BPIFC: variants seen among roughly 807,000 people sequenced by gnomAD.
The protein encoded by BPIFC is BPI fold containing family C, also known as BPI fold-containing family C protein.
In BPIFC, 60 loss-of-function variants were observed where a neutral mutation model predicts 57.6. That is an observed-to-expected ratio of 1.04 (90% confidence interval 0.85 to 1.29). The LOEUF (loss-of-function observed/expected upper bound fraction) is 1.29. Among genes scored for constraint, BPIFC ranks in the 50% most tolerant of loss-of-function variants. The probability of loss-of-function intolerance (pLI) is 0.00; values close to 1 mark genes in which losing one functional copy is unlikely to be tolerated. For missense variants in BPIFC, 581 were observed against 600.5 expected, an observed-to-expected ratio of 0.97 and a Z score of 0.34; for synonymous variants, 243 against 224.5, an observed-to-expected ratio of 1.08 and a Z score of -0.74.
At chr22:32,419,803 C>CAAAAAAAAAAAAAAAAAAAAAAAA (rs34812283) in intron 13 of BPIFC, among the ~76,000 whole-genome samples, 1 of 102,370 alleles carries the variant, frequency 9.8e-6, no homozygotes, top group African/African-American at 3.7e-5. Flanking sequence ...GAGACCCTGT[C>CAAAAAAAAAAAAAAAAAAAAAAAA]AAAAAAAAAA....
intron 14 of BPIFC, 88 bp downstream of exon 14, chr22:32,419,274 C>G: frequency 7.2e-7 from 1 of 1,395,208 alleles, no homozygotes; most frequent in African/African-American, 1.5e-5. Flanking sequence ...GACTCCAAGT[C>G]ACAGAAAACA....
chr22:32,420,335 A>AG (rs1491345583), intron 13 of BPIFC, among the ~76,000 whole-genome samples: 2 of 64,668 alleles, frequency 3.1e-5, no homozygotes, highest in Non-Finnish European at 6.9e-5. Flanking sequence ...AAAAAAAAAA[A>AG]TAGTTTTCAG....
At chr22:32,435,937 A>G in intron 9 of BPIFC, 57 bp from the exon 10 acceptor site, 1 of 1,536,166 alleles carries the variant, frequency 6.5e-7, no homozygotes, top group Non-Finnish European at 8.8e-7. Context: ...AATTCTAAGA[A>G]GACTAAGAAG....
intron 16 of BPIFC, 68 bp from the exon 17 acceptor site, chr22:32,414,493 G>A (rs1467699010): frequency 5.8e-6 from 9 of 1,542,016 alleles, no homozygotes; most frequent in Non-Finnish European, 4.4e-6. Context: ...TGAGGCGTGA[G>A]GAAGAGATGG....
At chr22:32,441,626 G>A (rs1934567166) in intron 8 of BPIFC, among the ~76,000 whole-genome samples, 2 of 152,148 alleles carry the variant, frequency 1.3e-5, no homozygotes. Flanking sequence ...CTATGTCTGA[G>A]CTGGGTCTTA....
chr22:32,443,860 C>T (rs963373516), intron 7 of BPIFC, among the ~76,000 whole-genome samples: 8 of 152,096 alleles, frequency 5.3e-5, no homozygotes, highest in Non-Finnish European at 8.8e-5. Context: ...AAGTGTTAGC[C>T]GTTGTTAGTT....
chr22:32,446,252 C>T (rs1176833760), intron 5 of BPIFC, among the ~76,000 whole-genome samples: 1 of 152,176 alleles, frequency 6.6e-6, no homozygotes, highest in East Asian at 1.9e-4. Context: ...TGCTCTGGCC[C>T]TGGCAGCGAG....
In BPIFC at chr22:32,422,872, C is replaced by G. The variant is rs561292348; in HGVS notation, c.1218-3468G>C. 9.2e-5 allele frequency among the ~76,000 whole-genome samples: 14 copies of G among 152,208 alleles called. No individual in the cohort carries two copies. In the South Asian group the frequency reaches 1.2e-3, roughly 14 times the overall value. ...GACTCTGTACACATCTCTAGCATGT[C>G]CTTGGCACCCAGTACTGTTTCTCCC... On this transcript the variant is annotated intron_variant, in intron 13 of 16. Transcript: ENST00000300399.
intron 13 of BPIFC, among the ~76,000 whole-genome samples, chr22:32,422,224 A>G (rs1161111505): frequency 6.6e-6 from 1 of 152,244 alleles, no homozygotes; most frequent in African/African-American, 2.4e-5. Context: ...CAGCAGGCCA[A>G]CAGGTTACCC....
intron 8 of BPIFC, among the ~76,000 whole-genome samples, chr22:32,439,535 T>C (rs1934505899): frequency 1.3e-5 from 2 of 152,144 alleles, no homozygotes; most frequent in African/African-American, 2.4e-5. Flanking sequence ...TAGATGGAGA[T>C]GAAAAGCAAG....
chr22:32,438,741 A>G (rs1324161238), intron 8 of BPIFC, among the ~76,000 whole-genome samples: 1 of 152,144 alleles, frequency 6.6e-6, no homozygotes, highest in Non-Finnish European at 1.5e-5. Context: ...CAAAACTCAT[A>G]TCAATATTTA....
chr22:32,436,776 T>G (rs1202425973), intron 9 of BPIFC, among the ~76,000 whole-genome samples: 1 of 152,166 alleles, frequency 6.6e-6, no homozygotes, highest in African/African-American at 2.4e-5. Context: ...ACCTGGGGAA[T>G]CATAGAAAGA....
chr22:32,450,093 TACAC>T (rs59948938), intron 4 of BPIFC, among the ~76,000 whole-genome samples: 6,818 of 145,448 alleles, frequency 0.047, 175 homozygotes, highest in Non-Finnish European at 0.061. Context: ...TCAAAGAGCA[TACAC>T]ACACACACAC....
At chr22:32,437,519 C>A (rs1934442397) in intron 9 of BPIFC, among the ~76,000 whole-genome samples, 1 of 152,108 alleles carries the variant, frequency 6.6e-6, no homozygotes. Flanking sequence ...GCTTCCCAAA[C>A]AGCTGGGAAT....
At chr22:32,443,987 G>A (rs1934642795) in intron 7 of BPIFC, among the ~76,000 whole-genome samples, 1 of 152,072 alleles carries the variant, frequency 6.6e-6, no homozygotes, top group South Asian at 2.1e-4. Context: ...TGCATAGCCG[G>A]GATTTGAACT....
chr22:32,440,143 A>G (rs1045532107), intron 8 of BPIFC, among the ~76,000 whole-genome samples: 1 of 151,854 alleles, frequency 6.6e-6, no homozygotes, highest in African/African-American at 2.4e-5. Context: ...TAATATATAT[A>G]TTTTTTGAGA....
chr22:32,428,253 G>A (rs970012503), intron 13 of BPIFC, among the ~76,000 whole-genome samples: 2 of 93,084 alleles, frequency 2.1e-5, no homozygotes, highest in African/African-American at 1.6e-4. Context: ...ATTAAAACGT[G>A]TGTGTGTGTG....
chr22:32,459,587 C>CGG (rs960505432), intron 2 of BPIFC, among the ~76,000 whole-genome samples: 5 of 151,892 alleles, frequency 3.3e-5, no homozygotes, highest in African/African-American at 1.2e-4. Context: ...GGCATGAATC[C>CGG]GGGAGGCGGA....
intron 16 of BPIFC, 41 bp from the exon 17 acceptor site, chr22:32,414,466 G>A: frequency 1.2e-6 from 2 of 1,607,044 alleles, no homozygotes; most frequent in Non-Finnish European, 8.5e-7. Context: ...CAAAACTTGG[G>A]CATGTCTGGG....
Sources: allele counts gnomAD v4.1 joint callset (sites outside exome capture counted in the v4.1 genomes callset), GRCh38; gene constraint gnomAD v4.1.1; transcripts MANE v1.5; gene names NCBI Gene and HGNC (gene_info 2026-07-23, HGNC 2026-07-21).